Variants in ARHGEF7 observed in about 807,000 individuals in gnomAD.
The protein encoded by ARHGEF7 is PAK-interacting exchange factor beta.
Under a neutral mutation model 109.8 loss-of-function variants are expected in ARHGEF7, and 33 were observed. That is an observed-to-expected ratio of 0.30 (90% CI 0.23 to 0.40). The LOEUF (loss-of-function observed/expected upper bound fraction) is 0.40, where lower values mean the gene tolerates loss of function less well. Among genes scored for constraint, ARHGEF7 ranks in the 10% least tolerant of loss-of-function variants. ARHGEF7 has a pLI of 1.00. For missense variants in ARHGEF7, 938 were observed against 1,098.5 expected, an observed-to-expected ratio of 0.85 and a Z score of 2.07; for synonymous variants, 458 against 424.6, an observed-to-expected ratio of 1.08 and a Z score of -0.97.
intron 6 of ARHGEF7, among the ~76,000 whole-genome samples, chr13:111,242,966 T>TA (rs1269502387): frequency 6.6e-6 from 1 of 152,262 alleles, no homozygotes; most frequent in Non-Finnish European, 1.5e-5. Flanking sequence ...ACTTTATATT[T>TA]ATCTGTCAGT....
rs774695575 is a variant in ARHGEF7, at chr13:111,203,118, G to T, written c.253-2171G>T. On this transcript the variant is annotated intron_variant, in intron 2 of 21. Coordinates refer to ENST00000646102, the MANE Select transcript of ARHGEF7 (RefSeq NM_001354046.2). Reference sequence around the variant, plus strand: ...GACTTGCTGCCTTGCCACTATGAAGGTTAGTAGAAATTTATGTATGTATTT... The same window carrying T: ...GACTTGCTGCCTTGCCACTATGAAGTTTAGTAGAAATTTATGTATGTATTT... The T allele has an allele frequency of 8.6e-6, 11 of 1,277,946 alleles. No individual in the cohort carries two copies. The Admixed American group carries it at 2.0e-4, about 23-fold the overall frequency. The allele number at this position is 1,277,946 out of a possible 1,614,324, so 79.2% of individuals were successfully genotyped here.
At position 111,220,558 on chromosome 13, in the gene ARHGEF7, G is replaced by A. The variant is rs373306130; in HGVS notation, c.670+2678G>A. Among the ~76,000 whole-genome samples, 8 of 152,280 alleles carry A rather than the reference G, an allele frequency of 5.3e-5. No homozygotes were observed. In the East Asian group the frequency reaches 7.7e-4, roughly 15 times the overall value. On this transcript the variant is annotated intron_variant, in intron 5 of 21. Coordinates refer to ENST00000646102, the MANE Select transcript of ARHGEF7 (RefSeq NM_001354046.2). ...CCTCTCCAGTTGGAAGTGATTTTCAGACACATTTGAATGTCGTCAGTGTCA... is the reference window on the plus strand; with the variant it reads ...CCTCTCCAGTTGGAAGTGATTTTCAAACACATTTGAATGTCGTCAGTGTCA...
chr13:111,188,687 A>G (rs1383279254), intron 2 of ARHGEF7, among the ~76,000 whole-genome samples: 1 of 152,232 alleles, frequency 6.6e-6, no homozygotes, highest in Non-Finnish European at 1.5e-5. Flanking sequence ...TTGCCATGGA[A>G]TACATACTGT....
chr13:111,197,377 C>T (rs547513475), intron 2 of ARHGEF7, among the ~76,000 whole-genome samples: 38 of 152,166 alleles, frequency 2.5e-4, no homozygotes, highest in Non-Finnish European at 4.4e-4. Context: ...CCCTTACCGA[C>T]GCATTCTCGT....
intron 18 of ARHGEF7, among the ~76,000 whole-genome samples, chr13:111,290,599 C>T (rs569084390): frequency 2.4e-4 from 37 of 152,348 alleles, no homozygotes; most frequent in Middle Eastern, 3.4e-3. Context: ...GACCAGGGTC[C>T]TGTGATACGC....
intron 4 of ARHGEF7, among the ~76,000 whole-genome samples, chr13:111,211,865 TAAA>T (rs1178877247): frequency 6.6e-6 from 1 of 152,252 alleles, no homozygotes; most frequent in Admixed American, 6.5e-5. Flanking sequence ...ATTTCCATGA[TAAA>T]AAGTTAAGCT....
chr13:111,234,573 T>C (rs1169217706), intron 6 of ARHGEF7, among the ~76,000 whole-genome samples: 10 of 152,198 alleles, frequency 6.6e-5, no homozygotes, highest in African/African-American at 2.4e-4. Flanking sequence ...TTTTTCATAA[T>C]TTGACATCTG....
At chr13:111,279,074 C>G (rs1418967844) in intron 13 of ARHGEF7, among the ~76,000 whole-genome samples, 1 of 152,206 alleles carries the variant, frequency 6.6e-6, no homozygotes, top group Admixed American at 6.5e-5. Flanking sequence ...TCATAGTGTT[C>G]TATACACCGA....
chr13:111,146,044 A>T (rs1473423658), intron 1 of ARHGEF7, among the ~76,000 whole-genome samples: 1 of 152,148 alleles, frequency 6.6e-6, no homozygotes, highest in Non-Finnish European at 1.5e-5. Context: ...ATGTCTAATG[A>T]GGGAGATGAG....
intron 8 of ARHGEF7, among the ~76,000 whole-genome samples, chr13:111,244,841 C>T (rs2088500782): frequency 6.6e-6 from 1 of 152,200 alleles, no homozygotes; most frequent in African/African-American, 2.4e-5. Flanking sequence ...CACATTTTCA[C>T]CAGTGAGAAA....
At chr13:111,148,229 C>T (rs1476201418) in intron 1 of ARHGEF7, among the ~76,000 whole-genome samples, 2 of 152,230 alleles carry the variant, frequency 1.3e-5, no homozygotes, top group East Asian at 1.9e-4. Context: ...ATTTCATCCT[C>T]CCAGCCACTC....
chr13:111,127,761 A>G (rs1486943059), intron 1 of ARHGEF7, among the ~76,000 whole-genome samples: 2 of 152,026 alleles, frequency 1.3e-5, no homozygotes, highest in East Asian at 3.8e-4. Flanking sequence ...ACAAAACCTG[A>G]CAAAAATATT....
intron 21 of ARHGEF7, among the ~76,000 whole-genome samples, chr13:111,302,136 C>T (rs1344614059): frequency 2.0e-5 from 3 of 152,338 alleles, no homozygotes; most frequent in Non-Finnish European, 4.4e-5. Context: ...TTAGCCTCTG[C>T]CACTGCATGG....
At chr13:111,163,429 A>G (rs1168029472) in intron 2 of ARHGEF7, among the ~76,000 whole-genome samples, 2 of 152,116 alleles carry the variant, frequency 1.3e-5, no homozygotes, top group Non-Finnish European at 2.9e-5. Context: ...GATCTTTGGA[A>G]TGTCTTCTTT....
intron 19 of ARHGEF7, among the ~76,000 whole-genome samples, chr13:111,299,243 C>T (rs1234184729): frequency 1.3e-5 from 2 of 151,920 alleles, no homozygotes; most frequent in Admixed American, 6.6e-5. Flanking sequence ...GTGTCAGGAA[C>T]GTCTTATGAG....
At chr13:111,240,225 A>G (rs1366240428) in intron 6 of ARHGEF7, among the ~76,000 whole-genome samples, 1 of 152,166 alleles carries the variant, frequency 6.6e-6, no homozygotes, top group African/African-American at 2.4e-5. Context: ...TGTGTGCTGG[A>G]GGCTTTGCAG....
At chr13:111,191,231 G>T (rs926472759) in intron 2 of ARHGEF7, among the ~76,000 whole-genome samples, 1 of 152,196 alleles carries the variant, frequency 6.6e-6, no homozygotes. Flanking sequence ...ACTATGATCA[G>T]TTGGGGCTTG....
At chr13:111,189,097 T>C (rs955070947) in intron 2 of ARHGEF7, among the ~76,000 whole-genome samples, 1 of 152,202 alleles carries the variant, frequency 6.6e-6, no homozygotes, top group Non-Finnish European at 1.5e-5. Context: ...GCCATTCTCA[T>C]TTAAGGAAAA....
chr13:111,163,294 A>G (rs2076885233), intron 2 of ARHGEF7, among the ~76,000 whole-genome samples: 2 of 152,206 alleles, frequency 1.3e-5, no homozygotes, highest in Admixed American at 1.3e-4. Flanking sequence ...AAGAAGTGTC[A>G]AGAGATGGCC....
Sources: gnomAD v4.1 joint callset for allele counts (sites outside exome capture counted in the v4.1 genomes callset) on GRCh38, gnomAD v4.1.1 for gene constraint, MANE v1.5 for transcripts, NCBI Gene and HGNC (gene_info 2026-07-23, HGNC 2026-07-21) for gene names.